RCC2: variants seen among roughly 807,000 people sequenced by gnomAD.
The protein encoded by RCC2 is protein RCC2.
A neutral mutation model predicts 64.1 loss-of-function variants in RCC2; 19 were observed. That is an observed-to-expected ratio of 0.30 (90% CI 0.21 to 0.44). The LOEUF is 0.44. Ranked by LOEUF, RCC2 falls within the 20% of genes least tolerant of loss-of-function variation. RCC2 has a pLI of 1.00. For synonymous variants in RCC2, 325 were observed against 279.6 expected (o/e 1.16, Z -1.62); for missense variants, 508 against 710.4 (o/e 0.72, Z 3.24).
intron 7 of RCC2, among the ~76,000 whole-genome samples, chr1:17,419,714 G>C (rs1437682811): frequency 2.6e-5 from 4 of 152,146 alleles, no homozygotes; most frequent in African/African-American, 9.7e-5. Flanking sequence ...ACGGAAAATC[G>C]ACTTGCCGGG....
intron 8 of RCC2, 24 bp downstream of exon 8, chr1:17,416,456 G>A: frequency 1.9e-6 from 3 of 1,595,786 alleles, no homozygotes; most frequent in East Asian, 2.2e-5. Context: ...CGACTCTCAG[G>A]AAGTGAGAAA....
At chr1:17,423,947 C>T (rs1015085338) in intron 4 of RCC2, among the ~76,000 whole-genome samples, 1 of 152,230 alleles carries the variant, frequency 6.6e-6, no homozygotes, top group African/African-American at 2.4e-5. Context: ...CAGCCTCTGA[C>T]TCGCTCTAAT....
rs1363680135 is a variant in RCC2 at position 17,435,741 on chromosome 1, AC to A, written c.285+2488del. Among the ~76,000 whole-genome samples, 5 of 152,138 alleles carry A rather than the reference AC, an allele frequency of 3.3e-5. No homozygotes were observed. In the East Asian group the frequency reaches 9.7e-4, roughly 29 times the overall value. On this transcript the variant is annotated intron_variant, in intron 2 of 12. Coordinates refer to ENST00000375436, the MANE Select transcript of RCC2 (RefSeq NM_018715.4). Reference sequence around the variant, plus strand: ...AGACCAGCCTGGCCAACGTGGTGAAACCCCGTCTCTACTAAAAATACAAAAA... The same window carrying A: ...AGACCAGCCTGGCCAACGTGGTGAAACCCGTCTCTACTAAAAATACAAAAA...
chr1:17,427,421 G>A lies in RCC2; in HGVS notation c.379+1685C>T, dbSNP rs144732469. ...GGAAGAGGAACATCAACAATTTCCT[G>A]GGGAAAGAGCAAACCAAAAATAAAA... On this transcript the variant is annotated intron_variant, in intron 3 of 12. Coordinates refer to ENST00000375436, the MANE Select transcript of RCC2 (RefSeq NM_018715.4). 1.3e-3 allele frequency among the ~76,000 whole-genome samples: 198 copies of A among 152,294 alleles called. 1 individual carries two copies. Among genetic ancestry groups the A allele is most frequent in the South Asian group, 8.1e-3 (39 of 4,820 alleles).
rs145763825 is a variant in RCC2 at position 17,422,635 on chromosome 1, C to A, written c.655+70G>T. 565 of 1,585,580 alleles carry A rather than the reference C, an allele frequency of 3.6e-4. 2 individuals carry two copies. The African/African-American group carries it at 6.9e-3, about 19-fold the overall frequency. ...ACAAGGGGAACTCCACCACCCCACG[C>A]CCCATCCCCAAGGCAGACCACCTGG... On this transcript the variant is annotated intron_variant, in intron 5 of 12. Coordinates refer to ENST00000375436, the MANE Select transcript of RCC2 (RefSeq NM_018715.4).
At chr1:17,415,548 T>C (rs2075473504) in intron 8 of RCC2, among the ~76,000 whole-genome samples, 1 of 150,872 alleles carries the variant, frequency 6.6e-6, no homozygotes, top group African/African-American at 2.4e-5. Context: ...CCATCTCTAC[T>C]AAAAATACAA....
In RCC2 at chr1:17,409,841, G is replaced by A. The variant is rs1037540861; in HGVS notation, c.1464+133C>T. ...TGTTACCTCTCAAACAAATCTTAGC[G>A]TGAGACACCAGGAAAGCCAGCTGAG... On this transcript the variant is annotated intron_variant, in intron 12 of 12. Coordinates refer to ENST00000375436, the MANE Select transcript of RCC2 (RefSeq NM_018715.4). The A allele has an allele frequency of 5.2e-5, 40 of 775,320 alleles. No individual in the cohort carries two copies. In the Admixed American group the frequency reaches 5.8e-4, roughly 11 times the overall value. The allele number at this position is 775,320 out of a possible 1,614,324, so 48.0% of individuals were successfully genotyped here. A position where few individuals can be genotyped will look rare whatever the true frequency, so the allele number is the denominator to read the frequency against.
chr1:17,408,955 T>C lies in RCC2; in HGVS notation c.*135A>G. 1.4e-6 allele frequency: 1 copy of C among 716,236 alleles called. No homozygotes were observed. Among genetic ancestry groups the C allele is most frequent in the Non-Finnish European group, 2.5e-6 (1 of 393,608 alleles). The allele number at this position is 716,236 out of a possible 1,614,324, so 44.4% of individuals were successfully genotyped here. On this transcript the variant is annotated 3_prime_UTR_variant, in exon 13 of 13. Transcript: ENST00000375436. ...GTTGGATCATGTGTAAAACGGAACC[T>C]CAGGGAGTCTAAACAAAAATGCACC...
intron 8 of RCC2, among the ~76,000 whole-genome samples, chr1:17,414,955 C>G (rs1048644706): frequency 6.6e-6 from 1 of 152,202 alleles, no homozygotes; most frequent in East Asian, 1.9e-4. Flanking sequence ...CCCACAGGTA[C>G]AGAGGTAACC....
chr1:17,425,442 T>A, intron 4 of RCC2, 99 bp downstream of exon 4: 1 of 1,268,326 alleles, frequency 7.9e-7, no homozygotes, highest in Non-Finnish European at 1.1e-6. Flanking sequence ...CCCAGCCTTA[T>A]AAGACGCGAG....
At chr1:17,420,241 G>C (rs984275186) in intron 7 of RCC2, among the ~76,000 whole-genome samples, 7 of 152,172 alleles carry the variant, frequency 4.6e-5, no homozygotes, top group African/African-American at 1.4e-4. Context: ...CAAGTTTCTG[G>C]ACAACTAGAT....
rs754382607 is a variant in RCC2 at position 17,413,613 on chromosome 1, C to T, written c.1131G>A (p.Lys377=). The T allele has an allele frequency of 1.2e-6, 2 of 1,614,204 alleles. No homozygotes were observed. The highest frequency in any genetic ancestry group is 4.5e-5 in the East Asian group (2 of 44,882). The change falls in exon 9 of 13, where the codon AAG becomes AAA. Residue 377 remains lysine, a synonymous_variant. Coordinates refer to ENST00000375436, the MANE Select transcript of RCC2 (RefSeq NM_018715.4). ...QKDEMVPRLV[K]LFDFPGRGAS... ...CCCCACGCCCAGGGAAGTCAAACAG[C>T]TTCACCAGGCGGGGGACCATCTCAT...
At position 17,416,025 on chromosome 1, in the gene RCC2, C is replaced by T. The variant is rs537986073; in HGVS notation, c.1026+455G>A. Among the ~76,000 whole-genome samples the T allele has an allele frequency of 1.8e-4, 24 of 134,486 alleles. No individual in the cohort carries two copies. In the South Asian group the frequency reaches 3.8e-3, roughly 21 times the overall value. 88.2% of individuals were successfully genotyped at this position (134,486 alleles called of 152,430 possible). ...TGGAAGCTGTGGTGAGCCGAGATCA[C>T]GCCATTGCACTCCAGCCTGGGCAAC... On this transcript the variant is annotated intron_variant, in intron 8 of 12. Transcript: ENST00000375436.
At chr1:17,414,569 C>CA (rs139198171) in intron 8 of RCC2, among the ~76,000 whole-genome samples, 8,062 of 140,306 alleles carry the variant, frequency 0.057, 251 homozygotes, top group African/African-American at 0.078. Flanking sequence ...AAAAACACAA[C>CA]AAAAAAAAAA....
chr1:17,411,449 G>C (rs908992356), intron 11 of RCC2, among the ~76,000 whole-genome samples: 3 of 152,034 alleles, frequency 2.0e-5, no homozygotes, highest in African/African-American at 7.2e-5. Context: ...GGTGGCAAAC[G>C]CCTAGAGTCC....
intron 8 of RCC2, among the ~76,000 whole-genome samples, chr1:17,414,695 G>C (rs201421760): frequency 4.0e-5 from 6 of 151,834 alleles, no homozygotes; most frequent in Non-Finnish European, 7.4e-5. Flanking sequence ...GCAATGGCAC[G>C]ATCACGGCTC....
rs2075607879 is a variant in RCC2 at position 17,425,703 on chromosome 1, T to C, written c.380-19A>G. 6 of 1,595,482 alleles carry C rather than the reference T, an allele frequency of 3.8e-6. No individual in the cohort carries two copies. In the South Asian group the frequency reaches 5.5e-5, roughly 15 times the overall value. On this transcript the variant is annotated intron_variant, in intron 3 of 12. Transcript: ENST00000375436. ...TAAGCAGCTGCAGAGAGAATGAGAA[T>C]GCAGATCAGACACCTGGGGTGGTGG...
intron 2 of RCC2, among the ~76,000 whole-genome samples, chr1:17,431,355 AAAAAATATATAT>A (rs2075675738): frequency 2.2e-5 from 1 of 44,620 alleles, no homozygotes; most frequent in African/African-American, 1.0e-4. Flanking sequence ...AAAAAAAAAA[AAAAAATATATAT>A]ATATATATAT....
intron 2 of RCC2, among the ~76,000 whole-genome samples, chr1:17,435,021 T>C (rs1487968539): frequency 6.6e-6 from 1 of 152,136 alleles, no homozygotes; most frequent in African/African-American, 2.4e-5. Flanking sequence ...GAGAGTTGCT[T>C]GAACCCAGGA....
Sources: allele counts gnomAD v4.1 joint callset (sites outside exome capture counted in the v4.1 genomes callset), GRCh38; gene constraint gnomAD v4.1.1; transcripts MANE v1.5; gene names NCBI Gene and HGNC (gene_info 2026-07-23, HGNC 2026-07-21).